GLB1L: variants seen among roughly 807,000 people sequenced by gnomAD.
GLB1L encodes the protein galactosidase beta 1 like, also known as beta-galactosidase-1-like protein.
In GLB1L, 58 loss-of-function variants were observed where a neutral mutation model predicts 75.7. That is an observed-to-expected ratio of 0.77 (90% confidence interval 0.62 to 0.95). The LOEUF (loss-of-function observed/expected upper bound fraction) is 0.95. Ranked by LOEUF, GLB1L falls within the 40% of genes least tolerant of loss-of-function variation. The probability of loss-of-function intolerance (pLI) is 0.00; values close to 1 mark genes in which losing one functional copy is unlikely to be tolerated. For missense variants in GLB1L, 797 were observed against 805.5 expected (o/e 0.99, Z 0.13); for synonymous variants, 296 against 303.0 (o/e 0.98, Z 0.24).
In GLB1L at chr2:219,243,561, T is replaced by G; in HGVS notation, c.13A>C (p.Lys5Gln). 6.2e-7 allele frequency: 1 copy of G among 1,614,140 alleles called. No individual in the cohort carries two copies. Among genetic ancestry groups the G allele is most frequent in the East Asian group, 2.2e-5 (1 of 44,876 alleles). Residue 5 changes from lysine (K) to glutamine (Q), a missense_variant, in exon 2 of 17, where the codon AAG becomes CAG. Coordinates refer to ENST00000295759, the MANE Select transcript of GLB1L (RefSeq NM_001286423.2). MAPKKLSCLRSLLLP... is the reference protein window; with the variant it reads MAPKQLSCLRSLLLP... ...AGCAGGGAACGAAGGCAGGACAGCT[T>G]CTTGGGAGCCATGGCGTTTACAGCG...
Position 219,243,633 on chromosome 2 carries a change from TGGGAGGGAACCTCAGCGAGCAAGG to T in GLB1L, c.-70-14_-61del. 2 of 1,568,156 alleles carry T rather than the reference TGGGAGGGAACCTCAGCGAGCAAGG, an allele frequency of 1.3e-6. No individual in the cohort carries two copies. The highest frequency in any genetic ancestry group is 1.8e-6 in the Non-Finnish European group (2 of 1,139,362). On this transcript the variant is annotated splice_acceptor_variant and splice_polypyrimidine_tract_variant and 5_prime_UTR_variant and intron_variant, in exon 2 of 17. Coordinates refer to ENST00000295759, the MANE Select transcript of GLB1L (RefSeq NM_001286423.2). LOFTEE classifies it low-confidence loss of function (5UTR_SPLICE). ...GACAGACCGTCACGTGTCGGATTCC[TGGGAGGGAACCTCAGCGAGCAAGG>T]GGGCGGAAACCACCTCAAGTTGCCA...
intron 5 of GLB1L, among the ~76,000 whole-genome samples, chr2:219,241,868 G>A (rs568172371): frequency 1.3e-5 from 2 of 152,208 alleles, no homozygotes; most frequent in African/African-American, 2.4e-5. Flanking sequence ...GGCAAACAAG[G>A]GAAACCAGTT....
At chr2:219,241,088 A>T (rs1357417600) in intron 5 of GLB1L, among the ~76,000 whole-genome samples, 4 of 151,858 alleles carry the variant, frequency 2.6e-5, no homozygotes, top group Non-Finnish European at 4.4e-5. Flanking sequence ...CTCAAAAAAA[A>T]ATAACAATTA....
chr2:219,237,480 C>T, intron 16 of GLB1L, 32 bp downstream of exon 16: 1 of 1,609,428 alleles, frequency 6.2e-7, no homozygotes, highest in Non-Finnish European at 8.5e-7. Flanking sequence ...CTTTTACCTC[C>T]CCGCTACCCA....
Position 219,237,723 on chromosome 2 carries a change from A to G in GLB1L, c.1478T>C (p.Leu493Pro). The G allele has an allele frequency of 6.2e-7, 1 of 1,613,806 alleles. No homozygotes were observed. The highest frequency in any genetic ancestry group is 8.5e-7 in the Non-Finnish European group (1 of 1,179,750). Residue 493 changes from leucine to proline, a missense_variant, in exon 16 of 17, where the codon CTG (leucine) becomes CCG (proline). Physicochemically the swap from Leu to Pro is moderately conservative, Grantham distance 98. Coordinates refer to ENST00000295759, the MANE Select transcript of GLB1L (RefSeq NM_001286423.2). ...FGSNSSDFKGLLKPPILGQTI... is the reference protein window; with the variant it reads ...FGSNSSDFKGPLKPPILGQTI... ...TTGCCCCAGAATTGGTGGCTTCAAC[A>G]GGCCCTATAGGGAAGGAAAATGAAA...
Position 219,238,347 on chromosome 2 carries a change from A to C in GLB1L, c.1244T>G (p.Leu415Trp). The C allele has an allele frequency of 6.2e-7, 1 of 1,607,664 alleles. No homozygotes were observed. The highest frequency in any genetic ancestry group is 8.5e-7 in the Non-Finnish European group (1 of 1,176,816). ...GGTATGGGTCATATAGGTTCGGTAC[A>C]ACATGAAGCCATGGTCCTGGGTATG... is the stretch of plus-strand genomic sequence containing the variant. ...EAVKQDHGFM[L>W]YRTYMTHTIF... Residue 415 changes from leucine (L) to tryptophan (W), a missense_variant, in exon 14 of 17, where the codon TTG (leucine) becomes TGG (tryptophan). Transcript: ENST00000295759.
chr2:219,243,693 C>T lies in GLB1L; in HGVS notation c.-70-50G>A, dbSNP rs577594112. The T allele has an allele frequency of 4.7e-5, 43 of 919,720 alleles. No individual in the cohort carries two copies. In the African/African-American group the frequency reaches 6.6e-4, roughly 14 times the overall value. The allele number at this position is 919,720 out of a possible 1,614,324, so 57.0% of individuals were successfully genotyped here. ...CACCTCAAGTTGCCAGGCGTTTAGC[C>T]TGGACTTCCTCTCCAGCCTGCAGCC... On this transcript the variant is annotated intron_variant, in intron 1 of 16. Coordinates refer to ENST00000295759, the MANE Select transcript of GLB1L (RefSeq NM_001286423.2).
In GLB1L at chr2:219,242,568, G is replaced by C. The variant is rs200191478; in HGVS notation, c.397C>G (p.Leu133Val). Reference sequence around the variant, plus strand: ...GGTTTTCGAAGCAACCAGGATGGGAGACCCCCCTGAGACAAACATAAAGAG... The same window carrying C: ...GGTTTTCGAAGCAACCAGGATGGGACACCCCCCTGAGACAAACATAAAGAG... The part of the protein sequence containing the change: ...YICAEWEMGG[L>V]PSWLLRKPEI... Residue 133 changes from leucine (L) to valine (V), a missense_variant, in exon 5 of 17, where the codon CTC (leucine) becomes GTC (valine). Transcript: ENST00000295759. The C allele has an allele frequency of 3.7e-6, 6 of 1,613,136 alleles. No homozygotes were observed. The highest frequency in any genetic ancestry group is 5.1e-6 in the Non-Finnish European group (6 of 1,179,198).
intron 3 of GLB1L, 113 bp from the exon 4 acceptor site, chr2:219,243,031 C>A: frequency 6.5e-7 from 1 of 1,545,210 alleles, no homozygotes; most frequent in Non-Finnish European, 8.8e-7. Flanking sequence ...TCCTGGCCTG[C>A]CCTTTCCCAC....
Position 219,243,134 on chromosome 2 carries a change from C to A in GLB1L, c.239+14G>T. The A allele has an allele frequency of 6.3e-7, 1 of 1,586,684 alleles. No homozygotes were observed. The highest frequency in any genetic ancestry group is 8.6e-7 in the Non-Finnish European group (1 of 1,164,106). On this transcript the variant is annotated intron_variant, in intron 3 of 16. Coordinates refer to ENST00000295759, the MANE Select transcript of GLB1L (RefSeq NM_001286423.2). ...AGATCCCATCCCTCCGCGGCTCTTGCGAGCACTTCTTACAACTGTATGGCG... is the reference window on the plus strand; with the variant it reads ...AGATCCCATCCCTCCGCGGCTCTTGAGAGCACTTCTTACAACTGTATGGCG...
rs1444397177 is a variant in GLB1L, at chr2:219,240,045, C to T, written c.596G>A (p.Arg199Lys). 6.2e-7 allele frequency: 1 copy of T among 1,614,096 alleles called. No individual in the cohort carries two copies. Among genetic ancestry groups the T allele is most frequent in the East Asian group, 2.2e-5 (1 of 44,886 alleles). ...TGCACGGAAGAGCCCAGCCAAGTGC[C>T]TCATGTAGCTGAAGTCACAGGCTCT... is the stretch of plus-strand genomic sequence containing the variant. ...SYRACDFSYM[R>K]HLAGLFRALL... is the part of the protein sequence containing the mutation. Residue 199 changes from arginine (R) to lysine (K), a missense_variant, in exon 7 of 17, where the codon AGG (arginine) becomes AAG (lysine). Arg to Lys is a conservative substitution (Grantham distance 26, BLOSUM62 2). Coordinates refer to ENST00000295759, the MANE Select transcript of GLB1L (RefSeq NM_001286423.2).
rs2125060675 is a variant in GLB1L at position 219,243,510 on chromosome 2, G to A, written c.64C>T (p.Leu22=). ...TCACCGTCTCATCTTACCTGGGGCA[G>A]CAGTAGCGTCAGGCTGAGCGGCAGC... ...LLLPLSLTLL[L]PQADTRSFVV... is the part of the protein sequence containing the mutation. The change falls in exon 2 of 17, where the codon CTG becomes TTG. Residue 22 remains leucine (L), a synonymous_variant. Transcript: ENST00000295759. The A allele has an allele frequency of 6.2e-7, 1 of 1,614,202 alleles. No individual in the cohort carries two copies. Among genetic ancestry groups the A allele is most frequent in the East Asian group, 2.2e-5 (1 of 44,888 alleles).
chr2:219,238,469 C>T (rs375542925), intron 13 of GLB1L, 26 bp downstream of exon 13: 11 of 1,602,050 alleles, frequency 6.9e-6, no homozygotes, highest in Non-Finnish European at 8.5e-6. Context: ...GTTGTCATCT[C>T]CACCAGATGT....
intron 5 of GLB1L, among the ~76,000 whole-genome samples, chr2:219,241,463 T>TACAC (rs1553567639): frequency 7.3e-6 from 1 of 137,580 alleles, no homozygotes; most frequent in South Asian, 2.2e-4. Context: ...TATATATATA[T>TACAC]ATACATACAT....
chr2:219,239,955 A>G lies in GLB1L; in HGVS notation c.686T>C (p.Leu229Pro). The G allele has an allele frequency of 1.9e-6, 3 of 1,614,092 alleles. No individual in the cohort carries two copies. The highest frequency in any genetic ancestry group is 2.5e-6 in the Non-Finnish European group (3 of 1,180,042). Residue 229 changes from leucine to proline, a missense_variant, in exon 7 of 17, where the codon CTC (leucine) becomes CCC (proline). Leu to Pro is a moderately conservative substitution (Grantham distance 98). Coordinates refer to ENST00000295759, the MANE Select transcript of GLB1L (RefSeq NM_001286423.2). The stretch of plus-strand genomic sequence containing the variant: ...ATCTACAGTGGTATAGAGTCCCCGG[A>G]GGGAGCCACACTTGAGTCCTTCAGG... ...DGPEGLKCGS[L>P]RGLYTTVDFG...
chr2:219,239,801 G>C lies in GLB1L; in HGVS notation c.754C>G (p.Arg252Gly), dbSNP rs201325778. ...AATGGCCCATGGGGTTCATACTTCC[G>C]AAGCAGGGTAAAGATTTTGGTCATG... ...DNMTKIFTLL[R>G]KYEPHGPLVN... Residue 252 changes from arginine (R) to glycine (G), a missense_variant, in exon 8 of 17, where the codon CGG becomes GGG. Transcript: ENST00000295759. The C allele has an allele frequency of 6.2e-7, 1 of 1,614,138 alleles. No homozygotes were observed. Among genetic ancestry groups the C allele is most frequent in the Non-Finnish European group, 8.5e-7 (1 of 1,180,028 alleles).
At position 219,242,543 on chromosome 2, in the gene GLB1L, G is replaced by A. The variant is rs1411051720; in HGVS notation, c.422C>T (p.Pro141Leu). Residue 141 changes from proline (P) to leucine (L), a missense_variant, in exon 5 of 17, where the codon CCT (proline) becomes CTT (leucine). By Grantham distance (98) the Pro-to-Leu change is moderately conservative. Transcript: ENST00000295759. ...ATCTGAGGTTCTTAGATGAATTTCA[G>A]GTTTTCGAAGCAACCAGGATGGGAG... ...GGLPSWLLRKPEIHLRTSDPD... is the reference protein window; with the variant it reads ...GGLPSWLLRKLEIHLRTSDPD... 6.2e-7 allele frequency: 1 copy of A among 1,613,474 alleles called. No individual in the cohort carries two copies. Among genetic ancestry groups the A allele is most frequent in the African/African-American group, 1.3e-5 (1 of 74,856 alleles).
intron 10 of GLB1L, 37 bp from the exon 11 acceptor site, chr2:219,239,247 T>C (rs752018394): frequency 6.4e-7 from 1 of 1,558,486 alleles, no homozygotes; most frequent in Non-Finnish European, 8.8e-7. Flanking sequence ...CAACATGTAT[T>C]TCAGATGACA....
intron 3 of GLB1L, 54 bp downstream of exon 3, chr2:219,243,094 G>C: frequency 6.4e-7 from 1 of 1,560,368 alleles, no homozygotes; most frequent in Non-Finnish European, 8.7e-7. Context: ...TTTATAAGGG[G>C]GCGGTAGAAA....
Sources: gnomAD v4.1 joint callset for allele counts (sites outside exome capture counted in the v4.1 genomes callset) on GRCh38, gnomAD v4.1.1 for gene constraint, MANE v1.5 for transcripts, NCBI Gene and HGNC (gene_info 2026-07-23, HGNC 2026-07-21) for gene names.